LARGE1: variants seen among roughly 807,000 people sequenced by gnomAD.
LARGE1 encodes the protein xylosyl- and glucuronyltransferase LARGE1.
A neutral mutation model predicts 87.6 loss-of-function variants in LARGE1; 43 were observed. The observed-to-expected ratio is 0.49, with a 90% CI of 0.38 to 0.63. The LOEUF is 0.63. Ranked by LOEUF, LARGE1 falls within the 30% of genes least tolerant of loss-of-function variation. LARGE1 has a pLI of 0.00. For synonymous variants in LARGE1, 434 were observed against 394.6 expected (o/e 1.10, Z -1.18); for missense variants, 802 against 1,000.2 (o/e 0.80, Z 2.67).
intron 1 of LARGE1, among the ~76,000 whole-genome samples, chr22:33,892,817 CA>C (rs2065038041): frequency 6.6e-6 from 1 of 152,224 alleles, no homozygotes; most frequent in Non-Finnish European, 1.5e-5. Flanking sequence ...TGTATGTTCA[CA>C]GTGTTATTTT....
chr22:33,089,286 C>G, the LARGE1 span, among the ~76,000 whole-genome samples: 36 of 150,782 alleles, frequency 2.4e-4, no homozygotes, highest in South Asian at 8.4e-4. Context: ...TCTTGTTCTT[C>G]TTCTTCTTCT....
chr22:33,374,355 TTA>T (rs1471612480), intron 9 of LARGE1, among the ~76,000 whole-genome samples: 1 of 152,208 alleles, frequency 6.6e-6, no homozygotes, highest in Non-Finnish European at 1.5e-5. Flanking sequence ...AACAAACATT[TTA>T]TATGTTATCA....
chr22:33,676,903 C>A (rs2081599304), intron 2 of LARGE1, among the ~76,000 whole-genome samples: 2 of 152,138 alleles, frequency 1.3e-5, no homozygotes, highest in Admixed American at 1.3e-4. Context: ...AAGAAGAAGA[C>A]CTCTCAGATT....
chr22:33,286,551 G>T (rs552989150), intron 12 of LARGE1, among the ~76,000 whole-genome samples: 1 of 152,128 alleles, frequency 6.6e-6, no homozygotes, highest in Admixed American at 6.5e-5. Context: ...GTCTCTGCCC[G>T]CATGGTGCTT....
At chr22:33,220,058 G>A (rs1925384530) in intron 11 of LARGE1, among the ~76,000 whole-genome samples, 1 of 152,220 alleles carries the variant, frequency 6.6e-6, no homozygotes, top group African/African-American at 2.4e-5. Flanking sequence ...GATAACTGCT[G>A]GGATAATACA....
intron 1 of LARGE1, among the ~76,000 whole-genome samples, chr22:33,768,431 C>T (rs527342893): frequency 1.6e-4 from 19 of 118,384 alleles, no homozygotes; most frequent in South Asian, 6.1e-4. Flanking sequence ...ATCCAACGCG[C>T]GCGCTCACAC....
chr22:33,519,508 C>A (rs991345613), intron 6 of LARGE1, among the ~76,000 whole-genome samples: 2 of 152,106 alleles, frequency 1.3e-5, no homozygotes, highest in African/African-American at 4.8e-5. Context: ...AAAGTACCAG[C>A]CCCTGCACTG....
intron 1 of LARGE1, among the ~76,000 whole-genome samples, chr22:33,832,472 T>A (rs530607158): frequency 6.9e-6 from 1 of 144,362 alleles, no homozygotes; most frequent in African/African-American, 2.6e-5. Flanking sequence ...TAAGGGACAG[T>A]GCTGTCAGTG....
chr22:33,759,129 G>T (rs2084627824), intron 2 of LARGE1, among the ~76,000 whole-genome samples: 1 of 152,318 alleles, frequency 6.6e-6, no homozygotes, highest in Admixed American at 6.5e-5. Context: ...CAAAGGGATA[G>T]AGGGAGACCT....
the LARGE1 span, among the ~76,000 whole-genome samples, chr22:33,085,225 G>A: frequency 6.7e-3 from 1,014 of 152,352 alleles, 10 homozygotes; most frequent in African/African-American, 9.0e-3. Context: ...GCAGTGAGCC[G>A]AGATCGCGCC....
At chr22:33,701,414 A>C (rs1235130824) in intron 2 of LARGE1, among the ~76,000 whole-genome samples, 1 of 152,214 alleles carries the variant, frequency 6.6e-6, no homozygotes, top group Non-Finnish European at 1.5e-5. Context: ...TAAATTCCTG[A>C]TAACAGTGGC....
chr22:33,543,388 T>C (rs1174791565), intron 6 of LARGE1, among the ~76,000 whole-genome samples: 1 of 152,116 alleles, frequency 6.6e-6, no homozygotes, highest in Non-Finnish European at 1.5e-5. Context: ...GATACCACCT[T>C]TTCCATCTAA....
At chr22:33,350,354 C>A (rs1280660357) in intron 9 of LARGE1, among the ~76,000 whole-genome samples, 1 of 152,178 alleles carries the variant, frequency 6.6e-6, no homozygotes, top group Non-Finnish European at 1.5e-5. Flanking sequence ...TCCCTGCAGA[C>A]AACCCACACA....
chr22:33,838,167 A>C (rs1430046000), intron 1 of LARGE1, among the ~76,000 whole-genome samples: 1 of 152,192 alleles, frequency 6.6e-6, no homozygotes, highest in Non-Finnish European at 1.5e-5. Context: ...TCATGGGCTA[A>C]AGGAAGACAG....
Position 33,239,535 on chromosome 22 carries a change from C to CTTTT in LARGE1, c.1730+64690_1730+64693dup, listed in dbSNP as rs71187254. ...GCCTTACTATTTCTTTTTTTCTTTT[C>CTTTT]TTTTTTTTTTTTTTTTTTTTTGAGA... On this transcript the variant is annotated intron_variant, in intron 11 of 11. Coordinates refer to the LARGE1 transcript ENST00000608642. 2.8e-3 allele frequency among the ~76,000 whole-genome samples: 265 copies of CTTTT among 95,290 alleles called. 2 individuals carry two copies. Among genetic ancestry groups the CTTTT allele is most frequent in the Middle Eastern group, 8.6e-3 (1 of 116 alleles). 62.5% of individuals were successfully genotyped at this position (95,290 alleles called of 152,430 possible). A position where few individuals can be genotyped will look rare whatever the true frequency, so the allele number is the denominator to read the frequency against.
chr22:33,091,897 C>CGTTT, the LARGE1 span, among the ~76,000 whole-genome samples: 8 of 152,080 alleles, frequency 5.3e-5, no homozygotes, highest in East Asian at 3.9e-4. Context: ...CTTCGTTTTT[C>CGTTT]GTTTGTTTGT....
chr22:33,803,798 C>T lies in LARGE1; in HGVS notation c.-82-42240G>A, dbSNP rs1223850282. 2.0e-5 allele frequency among the ~76,000 whole-genome samples: 3 copies of T among 152,200 alleles called. No homozygotes were observed. In the East Asian group the frequency reaches 5.8e-4, roughly 29 times the overall value. On this transcript the variant is annotated intron_variant, in intron 1 of 14. Transcript: ENST00000397394. Reference sequence around the variant, plus strand: ...AGAGGTTCCGTGCCTAGGGTTTTCACCCAGGACTGGTTAGGCAGGCATCCA... The same window carrying T: ...AGAGGTTCCGTGCCTAGGGTTTTCATCCAGGACTGGTTAGGCAGGCATCCA...
chr22:33,141,194 TCACACACACA>T, the LARGE1 span, among the ~76,000 whole-genome samples: 3 of 141,738 alleles, frequency 2.1e-5, no homozygotes, highest in East Asian at 2.1e-4. Flanking sequence ...TCTCTCTCTC[TCACACACACA>T]CACACACACA....
At chr22:33,687,277 G>C (rs1476678314) in intron 2 of LARGE1, among the ~76,000 whole-genome samples, 1 of 151,046 alleles carries the variant, frequency 6.6e-6, no homozygotes, top group Non-Finnish European at 1.5e-5. Context: ...TTACAGGCGT[G>C]TGCCACCGTG....
Sources: allele counts gnomAD v4.1 joint callset (sites outside exome capture counted in the v4.1 genomes callset), GRCh38; gene constraint gnomAD v4.1.1; transcripts MANE v1.5; gene names NCBI Gene and HGNC (gene_info 2026-07-23, HGNC 2026-07-21).